AOPEP: variants seen among roughly 807,000 people sequenced by gnomAD.
AOPEP encodes aminopeptidase O.
In AOPEP, 77 loss-of-function variants were observed where a neutral mutation model predicts 98.1. The ratio of observed to expected loss-of-function variants is 0.78; its 90% CI spans 0.65 to 0.95. The LOEUF (loss-of-function observed/expected upper bound fraction) is 0.95, where lower values mean the gene tolerates loss of function less well. Among genes scored for constraint, AOPEP ranks in the 40% least tolerant of loss-of-function variants. The probability of loss-of-function intolerance (pLI) is 0.00; values close to 1 mark genes in which losing one functional copy is unlikely to be tolerated. For missense variants in AOPEP, 1,024 were observed against 1,024.7 expected (o/e 1.00, Z 0.01); for synonymous variants, 346 against 365.3 (o/e 0.95, Z 0.60).
intron 11 of AOPEP, among the ~76,000 whole-genome samples, chr9:94,996,789 T>C (rs1359811925): frequency 6.6e-6 from 1 of 152,204 alleles, no homozygotes; most frequent in Non-Finnish European, 1.5e-5. Context: ...GCAATATATG[T>C]GTGTGTGTTT....
At chr9:94,740,836 T>A (rs1334829841) in intron 1 of AOPEP, among the ~76,000 whole-genome samples, 1 of 152,202 alleles carries the variant, frequency 6.6e-6, no homozygotes, top group African/African-American at 2.4e-5. Context: ...GTTTCCTTAT[T>A]TGTAATATAA....
At position 95,051,479 on chromosome 9, in the gene AOPEP, G is replaced by T. The variant is rs1335738693; in HGVS notation, c.2116-9215G>T. Among the ~76,000 whole-genome samples the T allele has an allele frequency of 2.0e-5, 3 of 152,028 alleles. No homozygotes were observed. In the East Asian group the frequency reaches 5.8e-4, roughly 29 times the overall value. On this transcript the variant is annotated intron_variant, in intron 13 of 16. Transcript: ENST00000375315. Reference sequence around the variant, plus strand: ...ACAAGGAGACTATGGAAGGCAAAGGGAGAGATCTTTCTAAGACATACAGTT... The same window carrying T: ...ACAAGGAGACTATGGAAGGCAAAGGTAGAGATCTTTCTAAGACATACAGTT...
At chr9:94,860,888 G>C (rs2044864441) in intron 5 of AOPEP, among the ~76,000 whole-genome samples, 1 of 152,158 alleles carries the variant, frequency 6.6e-6, no homozygotes, top group African/African-American at 2.4e-5. Context: ...AGTCATAATT[G>C]ACCGTTGAGT....
At chr9:95,055,919 C>A (rs904708539) in intron 13 of AOPEP, among the ~76,000 whole-genome samples, 1 of 150,954 alleles carries the variant, frequency 6.6e-6, no homozygotes, top group Non-Finnish European at 1.5e-5. Context: ...GTAAACAGTT[C>A]CCTGCGTAGT....
At chr9:94,917,489 C>T (rs10993397) in intron 5 of AOPEP, among the ~76,000 whole-genome samples, 50,868 of 152,018 alleles carry the variant, frequency 0.33, 9,504 homozygotes, top group Non-Finnish European at 0.43. Flanking sequence ...CCCTGGCCCC[C>T]ATGAGCACCC....
Position 94,863,381 on chromosome 9 carries a change from T to C in AOPEP, c.1365-60605T>C, listed in dbSNP as rs56160214. Among the ~76,000 whole-genome samples the C allele has an allele frequency of 4.8e-3, 727 of 151,490 alleles. 10 individuals are homozygous for C. The highest frequency in any genetic ancestry group is 0.042 in the South Asian group (201 of 4,804). On this transcript the variant is annotated intron_variant, in intron 5 of 16. Transcript: ENST00000375315. ...CTGCCAGCTCTGCCTCCTGGGTTCATGCCATTCTCCTGCCTCAGCCTCCCG... is the reference window on the plus strand; with the variant it reads ...CTGCCAGCTCTGCCTCCTGGGTTCACGCCATTCTCCTGCCTCAGCCTCCCG...
chr9:95,089,550 G>A (rs975877080), downstream of AOPEP, among the ~76,000 whole-genome samples: 1 of 152,180 alleles, frequency 6.6e-6, no homozygotes, highest in Non-Finnish European at 1.5e-5. Flanking sequence ...CCCAGCTGTG[G>A]GCCCTTCGTT....
the AOPEP span, among the ~76,000 whole-genome samples, chr9:95,129,460 C>T: frequency 1.1e-4 from 17 of 152,330 alleles, no homozygotes; most frequent in South Asian, 1.2e-3. Context: ...TGAGTGATGA[C>T]GCAGGCATCT....
chr9:94,809,994 C>T (rs938124353), intron 5 of AOPEP: 5 of 156,008 alleles, frequency 3.2e-5, no homozygotes, highest in Middle Eastern at 1.0e-3. Context: ...GTGTGTGTTG[C>T]CTGGGGACTG....
At chr9:94,996,116 G>T (rs553655779) in intron 11 of AOPEP, among the ~76,000 whole-genome samples, 22 of 152,212 alleles carry the variant, frequency 1.4e-4, no homozygotes, top group African/African-American at 5.3e-4. Flanking sequence ...ACACAGCTCG[G>T]CCTGTGTAGC....
intron 1 of AOPEP, among the ~76,000 whole-genome samples, chr9:94,729,530 G>A (rs1476575633): frequency 4.6e-5 from 7 of 150,754 alleles, no homozygotes; most frequent in Non-Finnish European, 7.4e-5. Flanking sequence ...CTGTGGTGGC[G>A]CCACTGCACT....
the AOPEP span, among the ~76,000 whole-genome samples, chr9:95,098,503 TCCTGA>T: frequency 2.5e-4 from 38 of 152,056 alleles, no homozygotes; most frequent in Non-Finnish European, 5.1e-4. Context: ...TCAGGCGCCC[TCCTGA>T]CCCCGAGAGG....
chr9:94,992,678 T>C (rs1589193803), intron 11 of AOPEP, among the ~76,000 whole-genome samples: 2 of 152,222 alleles, frequency 1.3e-5, no homozygotes, highest in Admixed American at 6.5e-5. Flanking sequence ...GGCGAGCCAC[T>C]TGCCCTCTCT....
chr9:94,840,599 A>C (rs2042157474), intron 5 of AOPEP, among the ~76,000 whole-genome samples: 1 of 152,174 alleles, frequency 6.6e-6, no homozygotes. Flanking sequence ...TAAATGTTTG[A>C]TATAATTCAC....
intron 5 of AOPEP, among the ~76,000 whole-genome samples, chr9:94,806,122 C>T (rs1467133449): frequency 6.6e-6 from 1 of 152,164 alleles, no homozygotes; most frequent in Non-Finnish European, 1.5e-5. Context: ...AGGCAAGATG[C>T]AGCCATAGTG....
intron 13 of AOPEP, among the ~76,000 whole-genome samples, chr9:95,026,017 G>A (rs147182590): frequency 1.9e-4 from 29 of 152,228 alleles, no homozygotes; most frequent in Middle Eastern, 6.8e-3. Flanking sequence ...TCCCTCCCCC[G>A]TGTTCCTTTA....
At chr9:94,949,381 AC>A (rs1239990253) in intron 7 of AOPEP, among the ~76,000 whole-genome samples, 8 of 152,090 alleles carry the variant, frequency 5.3e-5, no homozygotes, top group Non-Finnish European at 7.4e-5. Flanking sequence ...TTAGCAGCCG[AC>A]CCGGGACGCT....
chr9:94,808,442 T>G (rs1849747188), intron 5 of AOPEP, among the ~76,000 whole-genome samples: 1 of 152,194 alleles, frequency 6.6e-6, no homozygotes, highest in Non-Finnish European at 1.5e-5. Context: ...TAAAAAAAAT[T>G]GAATACCAAG....
chr9:94,801,452 G>T (rs1212619532), intron 5 of AOPEP, among the ~76,000 whole-genome samples: 1 of 152,184 alleles, frequency 6.6e-6, no homozygotes, highest in African/African-American at 2.4e-5. Flanking sequence ...CTCACCACTG[G>T]TCACAAGGGC....
Sources: allele counts gnomAD v4.1 joint callset (sites outside exome capture counted in the v4.1 genomes callset), GRCh38; gene constraint gnomAD v4.1.1; transcripts MANE v1.5; gene names NCBI Gene and HGNC (gene_info 2026-07-23, HGNC 2026-07-21).